Variants in TRAF3IP3 observed in about 807,000 individuals in gnomAD.
The protein encoded by TRAF3IP3 is TRAF3-interacting JNK-activating modulator.
TRAF3IP3 carries 64 observed loss-of-function variants against 86.5 expected under a neutral mutation model. That is an observed-to-expected ratio of 0.74 (90% CI 0.60 to 0.91). TRAF3IP3 has a LOEUF of 0.91. Among genes scored for constraint, TRAF3IP3 ranks in the 40% least tolerant of loss-of-function variants. The probability of loss-of-function intolerance (pLI) is 0.00; values close to 1 mark genes in which losing one functional copy is unlikely to be tolerated. For missense variants in TRAF3IP3, 579 were observed against 642.9 expected, an observed-to-expected ratio of 0.90 and a Z score of 1.07; for synonymous variants, 220 against 243.9, an observed-to-expected ratio of 0.90 and a Z score of 0.91.
chr1:209,763,608 T>C (rs775294838), intron 8 of TRAF3IP3, 21 bp downstream of exon 8: 2 of 1,571,642 alleles, frequency 1.3e-6, no homozygotes, highest in African/African-American at 3.6e-5. Flanking sequence ...GAAATTCTTT[T>C]TGAACAAAGC....
Position 209,760,136 on chromosome 1 carries a change from C to T in TRAF3IP3, c.97C>T (p.Arg33Cys), listed in dbSNP as rs751484314. ...GCGCAGGCAAGAGATCCGTGAAAGC[C>T]GCCGCTGCCGTCCCAATGTGACCAC... ...CERRQEIRES[R>C]RCRPNVTTCR... The change falls in exon 3 of 17, where the codon CGC becomes TGC. Residue 33 changes from arginine (R) to cysteine (C), a missense_variant. Arg to Cys is a radical substitution (Grantham distance 180). Coordinates refer to ENST00000367025, the MANE Select transcript of TRAF3IP3 (RefSeq NM_025228.4). The T allele has an allele frequency of 1.9e-5, 31 of 1,614,180 alleles. No individual in the cohort carries two copies. In the Admixed American group the frequency reaches 2.5e-4, roughly 13 times the overall value.
Position 209,758,123 on chromosome 1 carries a change from TTCAG to T in TRAF3IP3, c.-159-907_-159-904del, listed in dbSNP as rs376930468. Among the ~76,000 whole-genome samples, 615 of 152,320 alleles carry T rather than the reference TTCAG, an allele frequency of 4.0e-3. 6 individuals are homozygous for T. The highest frequency in any genetic ancestry group is 0.01 in the Middle Eastern group (3 of 294). On this transcript the variant is annotated intron_variant, in intron 1 of 16. Transcript: ENST00000367025. ...TGCACATAATCCTGCGTCTCCTCCA[TTCAG>T]TCATTTATAACAATAGACATGGGTC...
At chr1:209,764,674 G>T (rs998208306) in intron 8 of TRAF3IP3, among the ~76,000 whole-genome samples, 18 of 149,552 alleles carry the variant, frequency 1.2e-4, no homozygotes, top group Admixed American at 4.7e-4. Flanking sequence ...AACCAAGAAG[G>T]CAGAGGTTGC....
At chr1:209,768,508 A>G in intron 8 of TRAF3IP3, 2 of 985,550 alleles carry the variant, frequency 2.0e-6, no homozygotes, top group Non-Finnish European at 2.4e-6. Flanking sequence ...CGCAGCGGGG[A>G]TTGGCTGAAG....
At chr1:209,759,723 C>T (rs1280037773) in intron 2 of TRAF3IP3, among the ~76,000 whole-genome samples, 1 of 152,168 alleles carries the variant, frequency 6.6e-6, no homozygotes, top group Non-Finnish European at 1.5e-5. Context: ...GAGTAAGTGG[C>T]AGCCATAGAG....
chr1:209,763,738 A>C (rs2077289814), intron 8 of TRAF3IP3, 151 bp downstream of exon 8: 1 of 661,716 alleles, frequency 1.5e-6, no homozygotes, highest in Non-Finnish European at 2.6e-6. Flanking sequence ...GATGGTGCTC[A>C]GACCTAGAAG....
Position 209,781,344 on chromosome 1 carries a change from G to A in TRAF3IP3, c.1450-1G>A, listed in dbSNP as rs775683922. The A allele has an allele frequency of 2.5e-6, 4 of 1,598,862 alleles. No individual in the cohort carries two copies. The highest frequency in any genetic ancestry group is 1.7e-6 in the Non-Finnish European group (2 of 1,167,028). ...GATGACTTTGGTGATGTTCTCCCCAGTGCAGAGAACTGCATTCAGAATTAG... is the reference window on the plus strand; with the variant it reads ...GATGACTTTGGTGATGTTCTCCCCAATGCAGAGAACTGCATTCAGAATTAG... On this transcript the variant is annotated splice_acceptor_variant, in intron 15 of 16. Transcript: ENST00000367025. LOFTEE classifies it high-confidence loss of function.
intron 8 of TRAF3IP3, among the ~76,000 whole-genome samples, chr1:209,771,179 G>T (rs557131199): frequency 1.4e-5 from 2 of 148,130 alleles, no homozygotes; most frequent in Non-Finnish European, 3.0e-5. Context: ...GGAGGTGTGC[G>T]TGCGCATGTG....
intron 4 of TRAF3IP3, 51 bp from the exon 5 acceptor site, chr1:209,762,762 C>T: frequency 6.2e-6 from 10 of 1,611,422 alleles, no homozygotes; most frequent in Non-Finnish European, 7.6e-6. Flanking sequence ...CTCCCCACTT[C>T]CCTCACTTCC....
intron 8 of TRAF3IP3, chr1:209,768,520 C>T: frequency 1.0e-6 from 1 of 985,522 alleles, no homozygotes; most frequent in Non-Finnish European, 1.2e-6. Flanking sequence ...TGGCTGAAGC[C>T]CTAAGCAACC....
Position 209,768,720 on chromosome 1 carries a change from T to A in TRAF3IP3, c.703-4228T>A. 3.0e-6 allele frequency: 3 copies of A among 983,768 alleles called. No individual in the cohort carries two copies. In the South Asian group the frequency reaches 1.4e-4, roughly 46 times the overall value. 60.9% of individuals were successfully genotyped at this position (983,768 alleles called of 1,614,324 possible). A position where few individuals can be genotyped will look rare whatever the true frequency, so the allele number is the denominator to read the frequency against. On this transcript the variant is annotated intron_variant, in intron 8 of 16. Coordinates refer to ENST00000367025, the MANE Select transcript of TRAF3IP3 (RefSeq NM_025228.4). The stretch of plus-strand genomic sequence containing the variant: ...TGGGGTTTATATGCCCTCTGAGCCC[T>A]CGGCTCCCGGGGTCTAACTGCCTAG...
chr1:209,762,725 C>G, intron 4 of TRAF3IP3, 63 bp downstream of exon 4: 1 of 1,164,890 alleles, frequency 8.6e-7, no homozygotes, highest in East Asian at 2.9e-5. Flanking sequence ...ACTGTCCCAG[C>G]TCACTGGCAA....
intron 11 of TRAF3IP3, chr1:209,776,627 C>G (rs969901083): frequency 7.3e-6 from 1 of 136,644 alleles, no homozygotes; most frequent in Non-Finnish European, 1.6e-5. Context: ...AACTTTAAAT[C>G]TTTGTGGAAA....
In TRAF3IP3 at chr1:209,782,270, T is replaced by A; in HGVS notation, c.*122T>A. 1 of 733,170 alleles carries A rather than the reference T, an allele frequency of 1.4e-6. No individual in the cohort carries two copies. The highest frequency in any genetic ancestry group is 2.4e-6 in the Non-Finnish European group (1 of 421,162). The allele number at this position is 733,170 out of a possible 1,614,324, so 45.4% of individuals were successfully genotyped here. A position where few individuals can be genotyped will look rare whatever the true frequency, so the allele number is the denominator to read the frequency against. On this transcript the variant is annotated 3_prime_UTR_variant, in exon 17 of 17. Coordinates refer to ENST00000367025, the MANE Select transcript of TRAF3IP3 (RefSeq NM_025228.4). ...TGACTTAGGATTTCTGACTTTTTAT[T>A]AATTTCTTAACCTACTGTAAATAAA... is the stretch of plus-strand genomic sequence containing the variant.
intron 8 of TRAF3IP3, among the ~76,000 whole-genome samples, chr1:209,770,775 A>G (rs1215398369): frequency 1.9e-3 from 111 of 58,984 alleles, no homozygotes; most frequent in South Asian, 4.6e-3. Context: ...GCGTGTGCCT[A>G]TGGAGGTGTG....
At chr1:209,760,661 G>A (rs1368367430) in intron 3 of TRAF3IP3, among the ~76,000 whole-genome samples, 1 of 152,198 alleles carries the variant, frequency 6.6e-6, no homozygotes, top group Admixed American at 6.5e-5. Flanking sequence ...GGCTGGGCAT[G>A]TTGGCTTATA....
At chr1:209,781,306 C>A in intron 15 of TRAF3IP3, 39 bp from the exon 16 acceptor site, 3 of 1,453,298 alleles carry the variant, frequency 2.1e-6, no homozygotes, top group Non-Finnish European at 1.9e-6. Context: ...CTGTCCTAGA[C>A]AGAAGTGACA....
Position 209,759,293 on chromosome 1 carries a change from G to C in TRAF3IP3, c.-59+159G>C, listed in dbSNP as rs144358775. On this transcript the variant is annotated intron_variant, in intron 2 of 16. Coordinates refer to ENST00000367025, the MANE Select transcript of TRAF3IP3 (RefSeq NM_025228.4). ...GAGACACAGCCCAGTCCTGAGCTTG[G>C]AGTGGGGGGCCCATGGACCATTGTC... Among the ~76,000 whole-genome samples the C allele has an allele frequency of 5.0e-3, 766 of 152,310 alleles. 4 individuals are homozygous for C. The highest frequency in any genetic ancestry group is 6.9e-3 in the Non-Finnish European group (470 of 68,020).
chr1:209,772,615 C>CCTAG (rs558586418), intron 8 of TRAF3IP3, among the ~76,000 whole-genome samples: 65 of 152,102 alleles, frequency 4.3e-4, no homozygotes, highest in Non-Finnish European at 7.9e-4. Flanking sequence ...TGCAGAAGTG[C>CCTAG]CTAGACAGGG....
Sources: gnomAD v4.1 joint callset for allele counts (sites outside exome capture counted in the v4.1 genomes callset) on GRCh38, gnomAD v4.1.1 for gene constraint, MANE v1.5 for transcripts, NCBI Gene and HGNC (gene_info 2026-07-23, HGNC 2026-07-21) for gene names.